Variants in SGMS1 observed in about 807,000 individuals in gnomAD.
SGMS1 encodes sphingomyelin synthase 1.
SGMS1 carries 13 observed loss-of-function variants against 46.2 expected under a neutral mutation model. That is an observed-to-expected ratio of 0.28 (90% CI 0.18 to 0.45). The LOEUF (loss-of-function observed/expected upper bound fraction) is 0.45, where lower values mean the gene tolerates loss of function less well. SGMS1 is among the 20% of genes least tolerant of loss of function. The pLI is 1.00. For missense variants in SGMS1, 324 were observed against 519.9 expected (o/e 0.62, Z 3.66); for synonymous variants, 203 against 187.8 (o/e 1.08, Z -0.66).
At chr10:50,477,383 A>G (rs1318845198) in intron 3 of SGMS1, among the ~76,000 whole-genome samples, 2 of 152,204 alleles carry the variant, frequency 1.3e-5, no homozygotes, top group East Asian at 1.9e-4. Context: ...CTCCCATTGT[A>G]TGTTGGAATT....
chr10:50,618,686 A>C (rs1261006442), intron 1 of SGMS1, among the ~76,000 whole-genome samples: 1 of 152,228 alleles, frequency 6.6e-6, no homozygotes, highest in Non-Finnish European at 1.5e-5. Flanking sequence ...GATGTGGAAC[A>C]GAAAGCAGCT....
intron 4 of SGMS1, among the ~76,000 whole-genome samples, chr10:50,462,605 C>A (rs1837278355): frequency 1.3e-5 from 2 of 152,026 alleles, no homozygotes; most frequent in Non-Finnish European, 2.9e-5. Context: ...ATATGAGAAA[C>A]CATTTTATAA....
intron 6 of SGMS1, among the ~76,000 whole-genome samples, chr10:50,430,549 T>C (rs1265199145): frequency 6.6e-6 from 1 of 151,952 alleles, no homozygotes; most frequent in African/African-American, 2.4e-5. Flanking sequence ...AAATAGTTTT[T>C]GCATTCTAAA....
At chr10:50,595,087 G>A (rs186755360) in intron 1 of SGMS1, among the ~76,000 whole-genome samples, 2 of 152,270 alleles carry the variant, frequency 1.3e-5, no homozygotes, top group African/African-American at 4.8e-5. Flanking sequence ...AGACAAGTCA[G>A]AAGGCCCTGC....
At chr10:50,527,769 C>G (rs1294000091) in intron 2 of SGMS1, among the ~76,000 whole-genome samples, 1 of 152,184 alleles carries the variant, frequency 6.6e-6, no homozygotes, top group Non-Finnish European at 1.5e-5. Context: ...CCAAAAAACA[C>G]TTGTGTCTGT....
intron 3 of SGMS1, among the ~76,000 whole-genome samples, chr10:50,485,958 C>G (rs1837517822): frequency 6.6e-6 from 1 of 151,902 alleles, no homozygotes; most frequent in Non-Finnish European, 1.5e-5. Flanking sequence ...CAACTTCAAA[C>G]TCAAAAACAG....
chr10:50,623,846 G>A lies in SGMS1; in HGVS notation c.-823C>T, dbSNP rs1459560882. ...GCTCCCTAGGCGCGAGGGGAGAGCA[G>A]TCAGCCCAGGCCGGTCCTTCTCACT... On this transcript the variant is annotated 5_prime_UTR_variant, in exon 1 of 11. Coordinates refer to ENST00000361781, the MANE Select transcript of SGMS1 (RefSeq NM_147156.4). 5.1e-6 allele frequency: 5 copies of A among 985,326 alleles called. No homozygotes were observed. The highest frequency in any genetic ancestry group is 1.2e-4 in the Admixed American group (2 of 16,270). 61.0% of individuals were successfully genotyped at this position (985,326 alleles called of 1,614,324 possible). A position where few individuals can be genotyped will look rare whatever the true frequency, so the allele number is the denominator to read the frequency against.
chr10:50,549,979 T>C (rs1341707075), intron 2 of SGMS1, among the ~76,000 whole-genome samples: 1 of 152,140 alleles, frequency 6.6e-6, no homozygotes, highest in Non-Finnish European at 1.5e-5. Context: ...CTAAAAAAGA[T>C]AAAGCAGAAA....
intron 7 of SGMS1, among the ~76,000 whole-genome samples, chr10:50,336,922 A>G (rs1847725611): frequency 6.6e-6 from 1 of 152,248 alleles, no homozygotes; most frequent in African/African-American, 2.4e-5. Context: ...GAATAGGATA[A>G]TAATTTTTGA....
chr10:50,481,609 G>A (rs1194504645), intron 3 of SGMS1, among the ~76,000 whole-genome samples: 1 of 152,204 alleles, frequency 6.6e-6, no homozygotes, highest in Non-Finnish European at 1.5e-5. Context: ...AAGTCAGAGT[G>A]TCTCTTCTCT....
At chr10:50,526,023 A>G (rs950001259) in intron 2 of SGMS1, among the ~76,000 whole-genome samples, 2 of 152,228 alleles carry the variant, frequency 1.3e-5, no homozygotes, top group African/African-American at 4.8e-5. Flanking sequence ...GCTTCGCTAC[A>G]GGCCAAAAGT....
intron 6 of SGMS1, among the ~76,000 whole-genome samples, chr10:50,377,818 C>G (rs1425169554): frequency 6.6e-6 from 1 of 152,204 alleles, no homozygotes; most frequent in Non-Finnish European, 1.5e-5. Context: ...CTGGTGGCTA[C>G]TGGCATTCCG....
chr10:50,437,625 G>C (rs913835193), intron 5 of SGMS1, among the ~76,000 whole-genome samples: 2 of 152,190 alleles, frequency 1.3e-5, no homozygotes, highest in Non-Finnish European at 2.9e-5. Flanking sequence ...CTGAAGAAAA[G>C]AGGAAGATAA....
intron 6 of SGMS1, among the ~76,000 whole-genome samples, chr10:50,406,614 G>T (rs752200093): frequency 3.9e-5 from 6 of 152,032 alleles, no homozygotes; most frequent in Admixed American, 2.0e-4. Context: ...AGTAGTAGAT[G>T]CTACCTATAT....
chr10:50,410,297 A>C (rs1228867328), intron 6 of SGMS1, among the ~76,000 whole-genome samples: 2 of 152,174 alleles, frequency 1.3e-5, no homozygotes, highest in African/African-American at 4.8e-5. Flanking sequence ...AGGTGAAGAC[A>C]AGCAAACCTG....
intron 6 of SGMS1, among the ~76,000 whole-genome samples, chr10:50,405,099 C>A (rs1262644719): frequency 6.6e-6 from 1 of 151,872 alleles, no homozygotes; most frequent in African/African-American, 2.4e-5. Context: ...GTGAGAGGAG[C>A]CTTTGACATC....
intron 2 of SGMS1, among the ~76,000 whole-genome samples, chr10:50,544,141 A>G (rs1273271452): frequency 6.6e-6 from 1 of 152,248 alleles, no homozygotes; most frequent in African/African-American, 2.4e-5. Flanking sequence ...GACAACAATA[A>G]AAACCATATC....
intron 8 of SGMS1, among the ~76,000 whole-genome samples, chr10:50,320,459 C>T (rs1402940004): frequency 6.6e-6 from 1 of 152,106 alleles, no homozygotes; most frequent in Non-Finnish European, 1.5e-5. Context: ...CTTAAGTCTA[C>T]TTCCCTCCTT....
intron 6 of SGMS1, among the ~76,000 whole-genome samples, chr10:50,408,444 A>AT (rs1407638420): frequency 1.1e-4 from 17 of 148,000 alleles, no homozygotes; most frequent in Admixed American, 2.7e-4. Context: ...AAAAAAAAAA[A>AT]AAAAAAAAAA....
Sources: gnomAD v4.1 joint callset for allele counts (sites outside exome capture counted in the v4.1 genomes callset) on GRCh38, gnomAD v4.1.1 for gene constraint, MANE v1.5 for transcripts, NCBI Gene and HGNC (gene_info 2026-07-23, HGNC 2026-07-21) for gene names.